Variants in FGD3 observed in about 807,000 individuals in gnomAD.
FGD3 encodes FYVE, RhoGEF and PH domain-containing protein 3.
A neutral mutation model predicts 71.8 loss-of-function variants in FGD3; 45 were observed. The ratio of observed to expected loss-of-function variants is 0.63; its 90% CI spans 0.49 to 0.80. FGD3 has a LOEUF of 0.80. Among genes scored for constraint, FGD3 ranks in the 30% least tolerant of loss-of-function variants. The probability of loss-of-function intolerance (pLI) is 0.00; values close to 1 mark genes in which losing one functional copy is unlikely to be tolerated. For missense variants in FGD3, 844 were observed against 951.5 expected, an observed-to-expected ratio of 0.89 and a Z score of 1.49; for synonymous variants, 378 against 392.8, an observed-to-expected ratio of 0.96 and a Z score of 0.44.
chr9:93,011,297 C>T lies in FGD3; in HGVS notation c.1035+25C>T, dbSNP rs377512893. 1.1e-5 allele frequency: 17 copies of T among 1,614,002 alleles called. No individual in the cohort carries two copies. The African/African-American group carries it at 1.9e-4, about 18-fold the overall frequency. ...GGTGAGTGTGGGGCTCCAGTGGCGA[C>T]CGGCAGGGTGGTGCAGCAAGAGTGA... On this transcript the variant is annotated intron_variant, in intron 8 of 17. Transcript: ENST00000375482.
At chr9:92,991,167 C>G (rs1564153104) in intron 3 of FGD3, among the ~76,000 whole-genome samples, 1 of 152,150 alleles carries the variant, frequency 6.6e-6, no homozygotes, top group African/African-American at 2.4e-5. Context: ...CAACCTCTGC[C>G]TCCCTAGCTC....
intron 3 of FGD3, among the ~76,000 whole-genome samples, chr9:92,979,860 T>A (rs1859916742): frequency 6.6e-6 from 1 of 152,150 alleles, no homozygotes; most frequent in Non-Finnish European, 1.5e-5. Context: ...AATTTACCCA[T>A]TACTGTTCAT....
Position 93,010,312 on chromosome 9 carries a change from C to T in FGD3, c.904C>T (p.Arg302Trp), listed in dbSNP as rs768152156. 1.5e-5 allele frequency: 24 copies of T among 1,613,312 alleles called. No homozygotes were observed. Among genetic ancestry groups the T allele is most frequent in the South Asian group, 3.3e-5 (3 of 91,036 alleles). ...HMLEPVQRVP[R>W]YELLLKDYLK... ...GCTGGAGCCCGTGCAGAGGGTCCCC[C>T]GGTACGAGCTGCTGCTCAAGGACTA... The change falls in exon 7 of 18, where the codon CGG (arginine) becomes TGG (tryptophan). Residue 302 changes from arginine (R) to tryptophan (W), a missense_variant. By Grantham distance (101) the Arg-to-Trp change is moderately radical (BLOSUM62 -3). Transcript: ENST00000375482.
At position 92,976,345 on chromosome 9, in the gene FGD3, G is replaced by A. The variant is rs949884646; in HGVS notation, c.89G>A (p.Gly30Glu). 6.2e-7 allele frequency: 1 copy of A among 1,610,682 alleles called. No individual in the cohort carries two copies. The highest frequency in any genetic ancestry group is 1.3e-5 in the African/African-American group (1 of 74,904). ...ACTGGGCCTGGCAGTTCCTCCCTAG[G>A]GAAGCTTCAGGCGCTCCCTGTTGGG... ...PDTGPGSSSL[G>E]KLQALPVGPR... The change falls in exon 3 of 18, where the codon GGG becomes GAG. Residue 30 changes from glycine to glutamate, a missense_variant. By Grantham distance (98) the Gly-to-Glu change is moderately conservative (BLOSUM62 -2). Coordinates refer to ENST00000375482, the MANE Select transcript of FGD3 (RefSeq NM_001083536.2).
chr9:92,961,584 C>A (rs1187426673), intron 1 of FGD3, among the ~76,000 whole-genome samples: 2 of 152,206 alleles, frequency 1.3e-5, no homozygotes, highest in Non-Finnish European at 1.5e-5. Flanking sequence ...GATGAAAATA[C>A]TACATCACTT....
intron 1 of FGD3, among the ~76,000 whole-genome samples, chr9:92,952,648 C>T (rs1858976399): frequency 6.6e-6 from 1 of 151,900 alleles, no homozygotes; most frequent in African/African-American, 2.4e-5. Flanking sequence ...TCAAATCTCT[C>T]CCTCCTTCCC....
At chr9:93,009,231 C>A (rs1325160315) in intron 6 of FGD3, among the ~76,000 whole-genome samples, 1 of 151,584 alleles carries the variant, frequency 6.6e-6, no homozygotes. Context: ...CCATTGCACT[C>A]CAGCCCAGGC....
chr9:92,962,939 C>CAAAA (rs982916623), intron 1 of FGD3, among the ~76,000 whole-genome samples: 1 of 106,028 alleles, frequency 9.4e-6, no homozygotes, highest in Non-Finnish European at 2.0e-5. Context: ...GGCTCCGTCT[C>CAAAA]AAAAAAAAAA....
intron 1 of FGD3, among the ~76,000 whole-genome samples, chr9:92,959,706 CAAAA>C (rs10658844): frequency 3.7e-5 from 3 of 80,532 alleles, no homozygotes; most frequent in Non-Finnish European, 7.0e-5. Context: ...AACTCAGTCT[CAAAA>C]AAAAAAAAAA....
chr9:93,004,304 G>A (rs534982040), intron 5 of FGD3, among the ~76,000 whole-genome samples, 167 bp downstream of exon 5: 83 of 152,314 alleles, frequency 5.4e-4, no homozygotes, highest in African/African-American at 1.9e-3. Context: ...TTCCTGGTTG[G>A]TGACCTTGAC....
chr9:93,032,856 G>A lies in FGD3; in HGVS notation c.1768G>A (p.Ala590Thr), dbSNP rs1226109103. 1 of 1,614,154 alleles carries A rather than the reference G, an allele frequency of 6.2e-7. No individual in the cohort carries two copies. Among genetic ancestry groups the A allele is most frequent in the South Asian group, 1.1e-5 (1 of 91,084 alleles). Residue 590 changes from alanine to threonine, a missense_variant, in exon 16 of 18, where the codon GCC becomes ACC. Ala to Thr is a moderately conservative substitution (Grantham distance 58). Coordinates refer to ENST00000375482, the MANE Select transcript of FGD3 (RefSeq NM_001083536.2). ...CRDCFLTQPV[A>T]PESTEKTPTA... ...AGATTGTTTCCTGACACAGCCAGTG[G>A]CCCCTGAGAGCACAGAGGTGGGTGC... is the stretch of plus-strand genomic sequence containing the variant.
chr9:93,012,309 C>T (rs1459904896), intron 8 of FGD3, among the ~76,000 whole-genome samples: 1 of 152,158 alleles, frequency 6.6e-6, no homozygotes, highest in Non-Finnish European at 1.5e-5. Context: ...ACACACCTCT[C>T]AGAGAACAGC....
intron 10 of FGD3, among the ~76,000 whole-genome samples, 171 bp from the exon 11 acceptor site, chr9:93,017,965 T>C (rs1861766684): frequency 6.6e-6 from 1 of 152,162 alleles, no homozygotes; most frequent in Non-Finnish European, 1.5e-5. Flanking sequence ...GACCAGCTCA[T>C]GTAGCAGCCA....
At position 92,969,665 on chromosome 9, in the gene FGD3, A is replaced by G. The variant is rs1030893330; in HGVS notation, c.-217-5573A>G. 1.3e-5 allele frequency among the ~76,000 whole-genome samples: 2 copies of G among 151,834 alleles called. No individual in the cohort carries two copies. Among genetic ancestry groups the G allele is most frequent in the Non-Finnish European group, 2.9e-5 (2 of 67,980 alleles). Reference sequence around the variant, plus strand: ...AGGTGCCGTGGTGGGTTTCTTTCAGATGGGGGGGGACTCCCGCACGGCCTC... The same window carrying G: ...AGGTGCCGTGGTGGGTTTCTTTCAGGTGGGGGGGGACTCCCGCACGGCCTC... On this transcript the variant is annotated intron_variant, in intron 1 of 17. Transcript: ENST00000375482. The surrounding 1 kb of genome is among the most constrained non-coding windows in gnomAD (Gnocchi z 4.5).
At chr9:93,010,637 G>C (rs1481504262) in intron 7 of FGD3, among the ~76,000 whole-genome samples, 1 of 134,926 alleles carries the variant, frequency 7.4e-6, no homozygotes, top group Non-Finnish European at 1.6e-5. Flanking sequence ...GAGACACACA[G>C]AGACAGAGGA....
At chr9:93,000,860 T>C (rs1167493505) in intron 3 of FGD3, among the ~76,000 whole-genome samples, 3 of 152,342 alleles carry the variant, frequency 2.0e-5, no homozygotes, top group African/African-American at 7.2e-5. Context: ...TCAGCCATTA[T>C]TTCTGTAAAT....
intron 1 of FGD3, among the ~76,000 whole-genome samples, chr9:92,971,420 C>T (rs936142433): frequency 2.0e-5 from 3 of 152,032 alleles, no homozygotes; most frequent in Non-Finnish European, 4.4e-5. Context: ...CAACCACACA[C>T]CTCCTCACCT....
intron 15 of FGD3, 58 bp downstream of exon 15, chr9:93,030,054 G>A (rs1862297861): frequency 6.3e-7 from 1 of 1,582,590 alleles, no homozygotes. Flanking sequence ...TGCTCTGACA[G>A]AGCAGCTGAG....
intron 16 of FGD3, chr9:93,033,107 C>T: frequency 1.7e-6 from 1 of 594,066 alleles, no homozygotes; most frequent in Non-Finnish European, 3.1e-6. Flanking sequence ...CCATTTGCAT[C>T]CAGGAGTTAG....
Sources: gnomAD v4.1 joint callset for allele counts (sites outside exome capture counted in the v4.1 genomes callset) on GRCh38, gnomAD v4.1.1 for gene constraint, Gnocchi (gnomAD v3.1) non-coding constraint, MANE v1.5 for transcripts, NCBI Gene and HGNC (gene_info 2026-07-23, HGNC 2026-07-21) for gene names.